ESYT2: variants seen among roughly 807,000 people sequenced by gnomAD.
The protein encoded by ESYT2 is extended synaptotagmin-2.
ESYT2 carries 54 observed loss-of-function variants against 107.2 expected under a neutral mutation model. That is an observed-to-expected ratio of 0.50 (90% CI 0.40 to 0.63). ESYT2 has a LOEUF of 0.63. Ranked by LOEUF, ESYT2 falls within the 30% of genes least tolerant of loss-of-function variation. The pLI, the probability that ESYT2 is intolerant of heterozygous loss-of-function variation, is 0.00. For synonymous variants in ESYT2, 491 were observed against 434.1 expected, an observed-to-expected ratio of 1.13 and a Z score of -1.63; for missense variants, 1,020 against 1,094.5, an observed-to-expected ratio of 0.93 and a Z score of 0.96.
At chr7:158,765,836 A>C (rs1319678523) in intron 8 of ESYT2, among the ~76,000 whole-genome samples, 1 of 152,164 alleles carries the variant, frequency 6.6e-6, no homozygotes, top group Non-Finnish European at 1.5e-5. Context: ...TATTTCTTCC[A>C]AGGCAAACAA....
intron 11 of ESYT2, 86 bp downstream of exon 11, chr7:158,761,398 CACTGTGTGATGG>C: frequency 1.0e-6 from 1 of 981,556 alleles, no homozygotes; most frequent in Non-Finnish European, 1.6e-6. Flanking sequence ...AGGATTCCGG[CACTGTGTGATGG>C]TGAAGGGGTG....
chr7:158,736,386 A>T (rs6942535), intron 20 of ESYT2, among the ~76,000 whole-genome samples: 3 of 152,184 alleles, frequency 2.0e-5, no homozygotes, highest in East Asian at 1.9e-4. Flanking sequence ...TCCCAAAACA[A>T]GGGTGGGTTT....
At chr7:158,809,676 AG>A (rs1839940663) in intron 1 of ESYT2, among the ~76,000 whole-genome samples, 1 of 152,200 alleles carries the variant, frequency 6.6e-6, no homozygotes, top group Admixed American at 6.5e-5. Context: ...GACAGTGTTA[AG>A]TTTAGCCTAA....
intron 11 of ESYT2, among the ~76,000 whole-genome samples, 158 bp from the exon 12 acceptor site, chr7:158,760,305 G>A (rs990448201): frequency 2.0e-5 from 3 of 152,172 alleles, no homozygotes; most frequent in African/African-American, 4.8e-5. Flanking sequence ...CCAGCTCTAC[G>A]CTATGTGGAT....
chr7:158,780,643 C>T (rs1838742829), intron 6 of ESYT2, among the ~76,000 whole-genome samples: 1 of 152,124 alleles, frequency 6.6e-6, no homozygotes, highest in South Asian at 2.1e-4. Flanking sequence ...GAGGGCATGC[C>T]CACGTGGGCC....
intron 14 of ESYT2, among the ~76,000 whole-genome samples, chr7:158,750,709 C>T (rs1301261979): frequency 6.6e-6 from 1 of 152,042 alleles, no homozygotes; most frequent in African/African-American, 2.4e-5. Flanking sequence ...ATACTAATTT[C>T]CCCCCTAAGT....
chr7:158,781,367 CAA>C (rs1199442976), intron 6 of ESYT2, among the ~76,000 whole-genome samples: 1 of 150,590 alleles, frequency 6.6e-6, no homozygotes, highest in Non-Finnish European at 1.5e-5. Flanking sequence ...AGAACGAGAA[CAA>C]GTGTGAGAGT....
intron 7 of ESYT2, among the ~76,000 whole-genome samples, chr7:158,771,990 G>A (rs932090597): frequency 2.6e-5 from 4 of 151,748 alleles, no homozygotes; most frequent in Non-Finnish European, 5.9e-5. Context: ...GTGTGGTGGC[G>A]CGCACCTGTA....
chr7:158,741,478 G>GT, intron 18 of ESYT2, 45 bp downstream of exon 18: 1 of 1,514,626 alleles, frequency 6.6e-7, no homozygotes. Flanking sequence ...GGGGTGGGGG[G>GT]CGCTTGCTCT....
In ESYT2 at chr7:158,732,511, T is replaced by C. The variant is rs1836784333; in HGVS notation, c.*1696A>G. ...GTCTTTATGATTACATGAAATATGC[T>C]GTGAAGCTACAGACTCCATTATAAG... On this transcript the variant is annotated 3_prime_UTR_variant, in exon 23 of 23. Transcript: ENST00000275418. 6.6e-6 allele frequency: 1 copy of C among 152,264 alleles called. No individual in the cohort carries two copies. Among genetic ancestry groups the C allele is most frequent in the Non-Finnish European group, 1.5e-5 (1 of 68,042 alleles). The allele number at this position is 152,264 out of a possible 1,614,324, so 9.4% of individuals were successfully genotyped here. A position where few individuals can be genotyped will look rare whatever the true frequency, so the allele number is the denominator to read the frequency against.
At chr7:158,810,373 A>G (rs1185831592) in intron 1 of ESYT2, among the ~76,000 whole-genome samples, 2 of 152,218 alleles carry the variant, frequency 1.3e-5, no homozygotes, top group East Asian at 3.8e-4. Flanking sequence ...TATATGTTAC[A>G]CTATCTAGTA....
intron 6 of ESYT2, among the ~76,000 whole-genome samples, chr7:158,774,554 C>T (rs914943490): frequency 2.6e-5 from 4 of 152,146 alleles, no homozygotes; most frequent in African/African-American, 9.7e-5. Context: ...GACTTAAGAG[C>T]TCATTTTCCT....
chr7:158,749,539 G>T, intron 15 of ESYT2, 110 bp downstream of exon 15: 1 of 936,378 alleles, frequency 1.1e-6, no homozygotes. Context: ...CGATGCCCAC[G>T]CTATCACACA....
intron 11 of ESYT2, among the ~76,000 whole-genome samples, 160 bp from the exon 12 acceptor site, chr7:158,760,307 T>C (rs1837915549): frequency 6.6e-6 from 1 of 152,226 alleles, no homozygotes; most frequent in Non-Finnish European, 1.5e-5. Flanking sequence ...AGCTCTACGC[T>C]ATGTGGATGC....
chr7:158,826,516 T>A (rs1423549986), intron 1 of ESYT2, among the ~76,000 whole-genome samples: 4 of 141,168 alleles, frequency 2.8e-5, no homozygotes, highest in African/African-American at 1.1e-4. Flanking sequence ...TACTTTTGTA[T>A]TTTTTTTTTT....
In ESYT2 at chr7:158,823,476, A is replaced by G. The variant is rs539194638; in HGVS notation, c.330+5613T>C. Among the ~76,000 whole-genome samples the G allele has an allele frequency of 1.3e-4, 20 of 148,220 alleles. 1 individual carries two copies. The highest frequency in any genetic ancestry group is 3.4e-3 in the Middle Eastern group (1 of 294). On this transcript the variant is annotated intron_variant, in intron 1 of 22. Coordinates refer to ENST00000275418, the MANE Select transcript of ESYT2 (RefSeq NM_001367773.1). Reference sequence around the variant, plus strand: ...CGAGTAGCTGGGACTACAGGCGCACACCGCCACGCCCGGCTAATTTTTTGT... The same window carrying G: ...CGAGTAGCTGGGACTACAGGCGCACGCCGCCACGCCCGGCTAATTTTTTGT...
intron 8 of ESYT2, among the ~76,000 whole-genome samples, chr7:158,767,381 C>A (rs565927457): frequency 6.6e-6 from 1 of 152,152 alleles, no homozygotes; most frequent in Admixed American, 6.5e-5. Context: ...TGCCATGTAC[C>A]CCTGCAGATT....
At chr7:158,758,798 G>A (rs560577622) in intron 13 of ESYT2, among the ~76,000 whole-genome samples, 2 of 152,166 alleles carry the variant, frequency 1.3e-5, no homozygotes, top group Non-Finnish European at 1.5e-5. Context: ...TGACGGGAGA[G>A]CACACTATGC....
chr7:158,825,800 G>A (rs1153999), intron 1 of ESYT2, among the ~76,000 whole-genome samples: 85,634 of 151,974 alleles, frequency 0.56, 25,853 homozygotes, highest in Non-Finnish European at 0.66. Context: ...TACAGCCTTT[G>A]GGATGTACAG....
Sources: allele counts gnomAD v4.1 joint callset (sites outside exome capture counted in the v4.1 genomes callset), GRCh38; gene constraint gnomAD v4.1.1; transcripts MANE v1.5; gene names NCBI Gene and HGNC (gene_info 2026-07-23, HGNC 2026-07-21).